HSD17B12: variants seen among roughly 807,000 people sequenced by gnomAD.
The protein encoded by HSD17B12 is very-long-chain 3-oxoacyl-CoA reductase.
In HSD17B12, 32 loss-of-function variants were observed where a neutral mutation model predicts 39.3. The ratio of observed to expected loss-of-function variants is 0.81; its 90% CI spans 0.61 to 1.09. HSD17B12 has a LOEUF of 1.09. Among genes scored for constraint, HSD17B12 ranks in the 50% least tolerant of loss-of-function variants. The pLI is 0.00. For synonymous variants in HSD17B12, 150 were observed against 146.7 expected, an observed-to-expected ratio of 1.02 and a Z score of -0.16; for missense variants, 342 against 382.9, an observed-to-expected ratio of 0.89 and a Z score of 0.89.
At chr11:43,668,127 A>C in the HSD17B12 span, among the ~76,000 whole-genome samples, 1 of 152,212 alleles carries the variant, frequency 6.6e-6, no homozygotes, top group Non-Finnish European at 1.5e-5. Flanking sequence ...ACTGCAGATT[A>C]GTGGCTTAAA....
chr11:43,678,156 T>C (rs1949707772), upstream of HSD17B12, among the ~76,000 whole-genome samples: 1 of 151,666 alleles, frequency 6.6e-6, no homozygotes. Context: ...CTCATTGTGG[T>C]TTTGATTTGC....
At chr11:43,663,870 A>G in the HSD17B12 span, among the ~76,000 whole-genome samples, 1 of 147,654 alleles carries the variant, frequency 6.8e-6, no homozygotes, top group African/African-American at 2.5e-5. Context: ...TATTTTTATT[A>G]TTTTTTTTTT....
chr11:43,839,857 G>A (rs568428293), intron 8 of HSD17B12, 142 bp from the exon 9 acceptor site: 1 of 697,942 alleles, frequency 1.4e-6, no homozygotes, highest in Non-Finnish European at 2.4e-6. Flanking sequence ...GTTTTTCTAA[G>A]TTCTCTTCTG....
In HSD17B12 at chr11:43,706,944, T is replaced by C. The variant is rs141356661; in HGVS notation, c.160+25957T>C. ...GAAAATTTTATGCCTCTTTTTCTAT[T>C]TTTTGTTATATTTTTATATTACTGT... On this transcript the variant is annotated intron_variant, in intron 1 of 10. Transcript: ENST00000278353. Among the ~76,000 whole-genome samples, 1,109 of 152,264 alleles carry C rather than the reference T, an allele frequency of 7.3e-3. 11 individuals carry two copies. The highest frequency in any genetic ancestry group is 0.025 in the African/African-American group (1,058 of 41,544).
the HSD17B12 span, among the ~76,000 whole-genome samples, chr11:43,657,623 C>T: frequency 3.3e-5 from 5 of 152,060 alleles, no homozygotes; most frequent in African/African-American, 1.2e-4. Flanking sequence ...TCAGCATTTG[C>T]TTGTCTGTAA....
At chr11:43,848,119 T>C (rs921900455) in intron 9 of HSD17B12, among the ~76,000 whole-genome samples, 3 of 152,044 alleles carry the variant, frequency 2.0e-5, no homozygotes, top group Non-Finnish European at 4.4e-5. Context: ...GTTAATAGAG[T>C]GTGTCTTTTG....
In HSD17B12 at chr11:43,702,713, A is replaced by G. The variant is rs1949976246; in HGVS notation, c.160+21726A>G. ...TGATCTTTCTAATGCAAGCTTGTCC[A>G]ATCTGCGGCCAATGGGCCACATGTG... is the stretch of plus-strand genomic sequence containing the variant. On this transcript the variant is annotated intron_variant, in intron 1 of 10. Transcript: ENST00000278353. Among the ~76,000 whole-genome samples, 3 of 152,328 alleles carry G rather than the reference A, an allele frequency of 2.0e-5. No individual in the cohort carries two copies. The East Asian group carries it at 5.8e-4, about 29-fold the overall frequency.
intron 6 of HSD17B12, among the ~76,000 whole-genome samples, chr11:43,819,189 T>A (rs184402521): frequency 2.6e-4 from 40 of 152,336 alleles, no homozygotes; most frequent in Middle Eastern, 3.4e-3. Flanking sequence ...GTGTAAGCCA[T>A]TTACTTTAGA....
chr11:43,742,769 T>G (rs1022312133), intron 1 of HSD17B12, among the ~76,000 whole-genome samples: 4 of 152,084 alleles, frequency 2.6e-5, no homozygotes, highest in African/African-American at 9.6e-5. Flanking sequence ...TGTTTTTTTT[T>G]TGTGCCCATA....
At chr11:43,585,945 G>A in the HSD17B12 span, among the ~76,000 whole-genome samples, 2 of 152,210 alleles carry the variant, frequency 1.3e-5, no homozygotes, top group African/African-American at 4.8e-5. Flanking sequence ...GATAGACTAT[G>A]TAGCATGCCA....
At chr11:43,635,819 A>G in the HSD17B12 span, among the ~76,000 whole-genome samples, 1 of 152,264 alleles carries the variant, frequency 6.6e-6, no homozygotes, top group Non-Finnish European at 1.5e-5. Flanking sequence ...CTGAATAGTT[A>G]TGACTATAGT....
chr11:43,754,703 T>G (rs571792176), intron 3 of HSD17B12, among the ~76,000 whole-genome samples: 2 of 152,374 alleles, frequency 1.3e-5, no homozygotes, highest in African/African-American at 4.8e-5. Context: ...TTTATCGTAT[T>G]CTGCTGAAAT....
chr11:43,602,744 C>T, the HSD17B12 span, among the ~76,000 whole-genome samples: 2 of 151,972 alleles, frequency 1.3e-5, no homozygotes, highest in African/African-American at 2.4e-5. Flanking sequence ...TGTAATCCAG[C>T]TGTATCATCT....
At chr11:43,637,484 G>A in the HSD17B12 span, among the ~76,000 whole-genome samples, 1 of 152,238 alleles carries the variant, frequency 6.6e-6, no homozygotes, top group Non-Finnish European at 1.5e-5. Flanking sequence ...GCCTCCCAAA[G>A]TGCTGGGATT....
In HSD17B12 at chr11:43,680,984, G is replaced by A. The variant is rs757424909; in HGVS notation, c.157G>A (p.Ala53Thr). The A allele has an allele frequency of 6.3e-7, 1 of 1,597,172 alleles. No individual in the cohort carries two copies. Among genetic ancestry groups the A allele is most frequent in the African/African-American group, 1.3e-5 (1 of 74,566 alleles). Residue 53 changes from alanine (A) to threonine (T), a missense_variant, in exon 1 of 11, where the codon GCA becomes ACA. Coordinates refer to ENST00000278353, the MANE Select transcript of HSD17B12 (RefSeq NM_016142.3). ...AGVGPGLGEW[A>T]VVTGSTDGIG... ...GGTCGGCCCGGGGCTCGGAGAATGG[G>A]CAGGTGAGTCGGATGCAGCGCCGCG...
At chr11:43,580,231 C>T in the HSD17B12 span, among the ~76,000 whole-genome samples, 2 of 151,752 alleles carry the variant, frequency 1.3e-5, no homozygotes, top group Non-Finnish European at 2.9e-5. Flanking sequence ...AAGGAGATCT[C>T]CTTTCTCCCC....
intron 1 of HSD17B12, among the ~76,000 whole-genome samples, chr11:43,733,084 C>T (rs1012852061): frequency 5.3e-5 from 8 of 152,114 alleles, no homozygotes; most frequent in African/African-American, 1.9e-4. Context: ...GAAGTTAAAA[C>T]GTTGGTTAAA....
chr11:43,657,636 T>G, the HSD17B12 span, among the ~76,000 whole-genome samples: 3 of 152,118 alleles, frequency 2.0e-5, no homozygotes, highest in African/African-American at 4.8e-5. Flanking sequence ...GTCTGTAAAG[T>G]ATTTTATTTC....
chr11:43,783,100 A>G (rs889874794), intron 3 of HSD17B12, among the ~76,000 whole-genome samples: 1 of 152,216 alleles, frequency 6.6e-6, no homozygotes, highest in Non-Finnish European at 1.5e-5. Flanking sequence ...GGGCAGAAAG[A>G]CTGTTCCAGA....
Sources: gnomAD v4.1 joint callset for allele counts (sites outside exome capture counted in the v4.1 genomes callset) on GRCh38, gnomAD v4.1.1 for gene constraint, MANE v1.5 for transcripts, NCBI Gene and HGNC (gene_info 2026-07-23, HGNC 2026-07-21) for gene names.